EAF2: variants seen among roughly 807,000 people sequenced by gnomAD.
The protein encoded by EAF2 is ELL-associated factor 2.
Under a neutral mutation model 29.4 loss-of-function variants are expected in EAF2, and 29 were observed. That is an observed-to-expected ratio of 0.99 (90% CI 0.73 to 1.35). The LOEUF is 1.35. Ranked by LOEUF, EAF2 falls within the 40% of genes most tolerant of loss-of-function variation. EAF2 has a pLI of 0.00. For synonymous variants in EAF2, 103 were observed against 102.5 expected, an observed-to-expected ratio of 1.00 and a Z score of -0.03; for missense variants, 292 against 312.0, an observed-to-expected ratio of 0.94 and a Z score of 0.48.
chr3:121,877,893 T>G (rs1452636027), intron 5 of EAF2, among the ~76,000 whole-genome samples: 2 of 152,124 alleles, frequency 1.3e-5, no homozygotes, highest in Admixed American at 1.3e-4. Context: ...GTGATTCTCC[T>G]GCCTCAGCTT....
At chr3:121,846,357 T>C (rs1458375764) in intron 2 of EAF2, among the ~76,000 whole-genome samples, 2 of 152,208 alleles carry the variant, frequency 1.3e-5, no homozygotes, top group African/African-American at 4.8e-5. Context: ...GAAAAATCTA[T>C]TTAGTATGAG....
intron 2 of EAF2, among the ~76,000 whole-genome samples, chr3:121,848,048 G>T (rs897998541): frequency 6.6e-6 from 1 of 152,112 alleles, no homozygotes; most frequent in Non-Finnish European, 1.5e-5. Flanking sequence ...TGTGGACAAA[G>T]TTCATTATTT....
intron 5 of EAF2, among the ~76,000 whole-genome samples, chr3:121,874,850 A>G (rs1304216784): frequency 6.6e-6 from 1 of 151,952 alleles, no homozygotes; most frequent in African/African-American, 2.4e-5. Context: ...ACTGGACTAT[A>G]AACACAAAAC....
At chr3:121,866,932 A>G (rs1453736968) in intron 4 of EAF2, among the ~76,000 whole-genome samples, 4 of 152,156 alleles carry the variant, frequency 2.6e-5, no homozygotes, top group African/African-American at 9.7e-5. Context: ...CTTGAAACAA[A>G]TGAAAAACAA....
At chr3:121,851,172 C>T (rs959438433) in intron 2 of EAF2, among the ~76,000 whole-genome samples, 4 of 151,682 alleles carry the variant, frequency 2.6e-5, no homozygotes, top group East Asian at 1.9e-4. Flanking sequence ...AACATATGCA[C>T]GCACTTATTT....
intron 3 of EAF2, 130 bp downstream of exon 3, chr3:121,854,953 T>C: frequency 1.0e-6 from 1 of 971,272 alleles, no homozygotes; most frequent in Non-Finnish European, 1.4e-6. Flanking sequence ...TTAATCTTTT[T>C]CTAAGTTTAA....
At chr3:121,869,392 CAGT>C (rs1708975016) in intron 4 of EAF2, among the ~76,000 whole-genome samples, 1 of 151,966 alleles carries the variant, frequency 6.6e-6, no homozygotes, top group African/African-American at 2.4e-5. Flanking sequence ...AAATTGAAAA[CAGT>C]AGAGAAAATT....
At chr3:121,854,633 C>T in intron 2 of EAF2, 54 bp from the exon 3 acceptor site, 1 of 1,396,500 alleles carries the variant, frequency 7.2e-7, no homozygotes, top group Non-Finnish European at 9.4e-7. Context: ...AAAGGCCTTC[C>T]CAAGTGAATT....
chr3:121,859,309 A>T (rs1181296019), intron 4 of EAF2, among the ~76,000 whole-genome samples: 1 of 152,130 alleles, frequency 6.6e-6, no homozygotes, highest in Admixed American at 6.5e-5. Flanking sequence ...TGAGCATGGA[A>T]TGTTCTTCCA....
intron 1 of EAF2, among the ~76,000 whole-genome samples, chr3:121,842,994 A>T (rs1422166195): frequency 6.6e-6 from 1 of 152,188 alleles, no homozygotes; most frequent in Non-Finnish European, 1.5e-5. Flanking sequence ...TGTTATTTTT[A>T]TAACTGTATC....
chr3:121,846,259 G>A lies in EAF2; in HGVS notation c.201+1712G>A, dbSNP rs143042258. Among the ~76,000 whole-genome samples, 505 of 152,176 alleles carry A rather than the reference G, an allele frequency of 3.3e-3. 1 individual carries two copies. Among genetic ancestry groups the A allele is most frequent in the Non-Finnish European group, 4.6e-3 (310 of 67,996 alleles). The stretch of plus-strand genomic sequence containing the variant: ...ATTATGTCAGACTGTGTCAGTTACC[G>A]TCTCTGGAGATTTTCCTAAGGCTAA... On this transcript the variant is annotated intron_variant, in intron 2 of 5. Coordinates refer to ENST00000273668, the MANE Select transcript of EAF2 (RefSeq NM_018456.6).
chr3:121,835,383 CTG>C lies in EAF2; in HGVS notation c.101_102del (p.Val34AlafsTer3), dbSNP rs1306401940. The C allele has an allele frequency of 3.1e-6, 5 of 1,613,828 alleles. No homozygotes were observed. The highest frequency in any genetic ancestry group is 4.2e-6 in the Non-Finnish European group (5 of 1,179,864). The stretch of plus-strand genomic sequence containing the variant: ...AAGCAGCCGCGCTGCGCCTTCCACA[CTG>C]TGCGCTGTGAGTGAGGACCATCCGG... On this transcript the variant is annotated frameshift_variant, in exon 1 of 6. Transcript: ENST00000273668. LOFTEE classifies it high-confidence loss of function.
At chr3:121,842,461 T>C (rs150111797) in intron 1 of EAF2, among the ~76,000 whole-genome samples, 119 of 152,338 alleles carry the variant, frequency 7.8e-4, no homozygotes, top group African/African-American at 2.8e-3. Flanking sequence ...GGTTTTGCAG[T>C]TCGTTTTTCT....
At chr3:121,864,913 G>C (rs373586843) in intron 4 of EAF2, among the ~76,000 whole-genome samples, 1 of 152,194 alleles carries the variant, frequency 6.6e-6, no homozygotes, top group South Asian at 2.1e-4. Context: ...TCATCTGATA[G>C]GTTACAAAGA....
rs750711954 is a variant in EAF2, at chr3:121,835,294, C to T, written c.9C>T (p.Ser3=). The change falls in exon 1 of 6, where the codon AGC becomes AGT. Residue 3 remains serine, a synonymous_variant. Coordinates refer to ENST00000273668, the MANE Select transcript of EAF2 (RefSeq NM_018456.6). MN[S]AAGFSHLDRR... ...AAAGCAGGAGAGTAATTATGAATAG[C>T]GCAGCGGGATTCTCACACCTAGACC... 4 of 1,614,136 alleles carry T rather than the reference C, an allele frequency of 2.5e-6. No homozygotes were observed. Among genetic ancestry groups the T allele is most frequent in the East Asian group, 2.2e-5 (1 of 44,872 alleles).
rs11387474 is a variant in EAF2, at chr3:121,846,719, AT to A, written c.201+2183del. On this transcript the variant is annotated intron_variant, in intron 2 of 5. Transcript: ENST00000273668. ...TGGTTTGCAGAATCACTTTAGTTGG[AT>A]TTTTTTTTTTGCCAAGTAGAATATT... is the stretch of plus-strand genomic sequence containing the variant. 2.1e-4 allele frequency among the ~76,000 whole-genome samples: 31 copies of A among 149,014 alleles called. No homozygotes were observed. In the South Asian group the frequency reaches 2.1e-3, roughly 10 times the overall value.
intron 4 of EAF2, among the ~76,000 whole-genome samples, chr3:121,869,734 T>G (rs1708980295): frequency 6.6e-6 from 1 of 151,858 alleles, no homozygotes; most frequent in African/African-American, 2.4e-5. Flanking sequence ...TTTAGATTAC[T>G]CAGGCAGTCA....
intron 1 of EAF2, among the ~76,000 whole-genome samples, chr3:121,838,559 T>C (rs1263892460): frequency 1.3e-5 from 2 of 152,206 alleles, no homozygotes; most frequent in African/African-American, 4.8e-5. Context: ...ATTAGAAATG[T>C]AAATAGATTC....
chr3:121,886,315 A>G lies in EAF2; in HGVS notation c.737-27A>G, dbSNP rs753189567. 2.1e-5 allele frequency: 30 copies of G among 1,412,204 alleles called. 1 individual carries two copies. In the South Asian group the frequency reaches 4.5e-4, roughly 21 times the overall value. 87.5% of individuals were successfully genotyped at this position (1,412,204 alleles called of 1,614,324 possible). A position where few individuals can be genotyped will look rare whatever the true frequency, so the allele number is the denominator to read the frequency against. On this transcript the variant is annotated intron_variant, in intron 5 of 5. Transcript: ENST00000273668. ...ATAATATTAAATATTTAATTACTAC[A>G]GTTTTGTTATTTCTTTCTTATTTTA... is the stretch of plus-strand genomic sequence containing the variant.
Sources: allele counts gnomAD v4.1 joint callset (sites outside exome capture counted in the v4.1 genomes callset), GRCh38; gene constraint gnomAD v4.1.1; transcripts MANE v1.5; gene names NCBI Gene and HGNC (gene_info 2026-07-23, HGNC 2026-07-21).